Variants in TMED4 observed in about 807,000 individuals in gnomAD.
The protein encoded by TMED4 is transmembrane emp24 domain-containing protein 4.
In TMED4, 19 loss-of-function variants were observed where a neutral mutation model predicts 26.5. The observed-to-expected ratio is 0.72, with a 90% CI of 0.50 to 1.05. The LOEUF (loss-of-function observed/expected upper bound fraction) is 1.05. TMED4 is among the 50% of genes least tolerant of loss of function. The pLI, the probability that TMED4 is intolerant of heterozygous loss-of-function variation, is 0.00. For synonymous variants in TMED4, 121 were observed against 119.8 expected (o/e 1.01, Z -0.07); for missense variants, 303 against 302.5 (o/e 1.00, Z -0.01).
In TMED4 at chr7:44,579,306, G is replaced by A; in HGVS notation, c.*173C>T. 1 of 601,866 alleles carries A rather than the reference G, an allele frequency of 1.7e-6. No homozygotes were observed. Among genetic ancestry groups the A allele is most frequent in the Non-Finnish European group, 2.8e-6 (1 of 356,754 alleles). The allele number at this position is 601,866 out of a possible 1,614,324, so 37.3% of individuals were successfully genotyped here. On this transcript the variant is annotated 3_prime_UTR_variant, in exon 5 of 5. Transcript: ENST00000457408. The stretch of plus-strand genomic sequence containing the variant: ...TTTTGAAAGATTGGACTAATGTCAT[G>A]TGTCCTTAAGAACCAGGGTCAGCAA...
chr7:44,580,488 CAAAAT>C (rs1175725759), intron 4 of TMED4: 1 of 152,302 alleles, frequency 6.6e-6, no homozygotes, highest in African/African-American at 2.4e-5. Context: ...AAAAACAAAA[CAAAAT>C]AAGTACAGAT....
chr7:44,579,284 T>C lies in TMED4; in HGVS notation c.*195A>G. The C allele has an allele frequency of 2.0e-6, 1 of 508,186 alleles. No homozygotes were observed. Among genetic ancestry groups the C allele is most frequent in the Non-Finnish European group, 3.4e-6 (1 of 291,978 alleles). The allele number at this position is 508,186 out of a possible 1,614,324, so 31.5% of individuals were successfully genotyped here. On this transcript the variant is annotated 3_prime_UTR_variant, in exon 5 of 5. Transcript: ENST00000457408. ...CCTCACAAGCCCTAAGACAAGATTT[T>C]GAAAGATTGGACTAATGTCATGTGT...
Position 44,579,585 on chromosome 7 carries a change from T to A in TMED4, c.578A>T (p.Gln193Leu). The change falls in exon 5 of 5, where the codon CAG becomes CTG. Residue 193 changes from glutamine to leucine, a missense_variant. Physicochemically the swap from Gln to Leu is moderately radical, Grantham distance 113. Coordinates refer to ENST00000457408, the MANE Select transcript of TMED4 (RefSeq NM_182547.4). The part of the protein sequence containing the change: ...RFRLTSESTN[Q>L]RVLWWSIAQT... Reference sequence around the variant, plus strand: ...AGCAATGGACCACCATAGGACCCTCTGGTTGGTGCTCTCGCTCGTCAGTCG... The same window carrying A: ...AGCAATGGACCACCATAGGACCCTCAGGTTGGTGCTCTCGCTCGTCAGTCG... 1.9e-6 allele frequency: 3 copies of A among 1,614,136 alleles called. No individual in the cohort carries two copies. Among genetic ancestry groups the A allele is most frequent in the Non-Finnish European group, 2.5e-6 (3 of 1,179,982 alleles).
intron 2 of TMED4, 39 bp from the exon 3 acceptor site, chr7:44,581,613 C>A: frequency 6.2e-7 from 1 of 1,614,068 alleles, no homozygotes; most frequent in Middle Eastern, 1.6e-4. Flanking sequence ...CTTTATACCG[C>A]AGGCTCTCCA....
chr7:44,580,974 TA>T, intron 4 of TMED4, 118 bp downstream of exon 4: 1 of 1,170,672 alleles, frequency 8.5e-7, no homozygotes, highest in Non-Finnish European at 1.2e-6. Flanking sequence ...ACAACCTATC[TA>T]AACCAATACT....
chr7:44,581,384 G>A, intron 3 of TMED4, 65 bp downstream of exon 3: 1 of 1,611,452 alleles, frequency 6.2e-7, no homozygotes, highest in Non-Finnish European at 8.5e-7. Flanking sequence ...TCACAATCTT[G>A]ATAAATCAAA....
rs1051246948 is a variant in TMED4 at position 44,581,005 on chromosome 7, G to A, written c.534+88C>T. On this transcript the variant is annotated intron_variant, in intron 4 of 4. Coordinates refer to ENST00000457408, the MANE Select transcript of TMED4 (RefSeq NM_182547.4). ...AATACTTCTCATTCCATTCTCTGCAGAGCTGATCTCCCAAGCAGAAACTTG... is the reference window on the plus strand; with the variant it reads ...AATACTTCTCATTCCATTCTCTGCAAAGCTGATCTCCCAAGCAGAAACTTG... 10 of 1,410,238 alleles carry A rather than the reference G, an allele frequency of 7.1e-6. No homozygotes were observed. In the African/African-American group the frequency reaches 1.1e-4, roughly 16 times the overall value. 87.4% of individuals were successfully genotyped at this position (1,410,238 alleles called of 1,614,324 possible). A position where few individuals can be genotyped will look rare whatever the true frequency, so the allele number is the denominator to read the frequency against.
In TMED4 at chr7:44,578,609, T is replaced by C. The variant is rs1402283586; in HGVS notation, c.*870A>G. The C allele has an allele frequency of 6.6e-6, 1 of 151,442 alleles. No homozygotes were observed. Among genetic ancestry groups the C allele is most frequent in the Non-Finnish European group, 1.5e-5 (1 of 67,982 alleles). The allele number at this position is 151,442 out of a possible 1,614,324, so 9.4% of individuals were successfully genotyped here. A position where few individuals can be genotyped will look rare whatever the true frequency, so the allele number is the denominator to read the frequency against. On this transcript the variant is annotated 3_prime_UTR_variant, in exon 5 of 5. Coordinates refer to ENST00000457408, the MANE Select transcript of TMED4 (RefSeq NM_182547.4). ...TGCCATGGGAGTTACCAAAAATATG[T>C]GAATAAACTGAATGCAGAGGCTGAG...
At chr7:44,581,330 G>A (rs1562591029) in intron 3 of TMED4, 91 bp from the exon 4 acceptor site, 1 of 1,598,788 alleles carries the variant, frequency 6.3e-7, no homozygotes, top group South Asian at 1.1e-5. Context: ...CTGTGGAGCA[G>A]AAGGCAACAT....
Position 44,582,063 on chromosome 7 carries a change from G to T in TMED4, c.144C>A (p.Asp48Glu). ...EKRCFIEEIP[D>E]ETMVIGNYRT... ...CCGCCTGACCGATGACCATGGTCTC[G>T]TCGGGGATTTCCTCGATGAAACAGC... Residue 48 changes from aspartate to glutamate, a missense_variant, in exon 1 of 5, where the codon GAC becomes GAA. Coordinates refer to ENST00000457408, the MANE Select transcript of TMED4 (RefSeq NM_182547.4). 1.7e-5 allele frequency: 26 copies of T among 1,567,900 alleles called. No individual in the cohort carries two copies. The highest frequency in any genetic ancestry group is 2.2e-5 in the Non-Finnish European group (25 of 1,156,356).
At position 44,579,624 on chromosome 7, in the gene TMED4, C is replaced by T. The variant is rs754392032; in HGVS notation, c.539G>A (p.Arg180His). ...GCTCGTCAGTCGGAAGCGCTCTTCA[C>T]GATACTGTGTGGGGCAACACAGGGT... Reference protein sequence around the residue: ...IQKEQDYQRYREERFRLTSES... With the variant: ...IQKEQDYQRYHEERFRLTSES... The change falls in exon 5 of 5, where the codon CGT becomes CAT. Residue 180 changes from arginine to histidine, a missense_variant. Physicochemically the swap from Arg to His is conservative, Grantham distance 29. Transcript: ENST00000457408. 4 of 1,613,612 alleles carry T rather than the reference C, an allele frequency of 2.5e-6. No homozygotes were observed. Among genetic ancestry groups the T allele is most frequent in the Admixed American group, 1.7e-5 (1 of 59,996 alleles).
chr7:44,579,376 ATTCT>A lies in TMED4; in HGVS notation c.*99_*102del. 1.5e-6 allele frequency: 2 copies of A among 1,340,250 alleles called. No individual in the cohort carries two copies. Among genetic ancestry groups the A allele is most frequent in the Non-Finnish European group, 2.0e-6 (2 of 978,146 alleles). The allele number at this position is 1,340,250 out of a possible 1,614,324, so 83.0% of individuals were successfully genotyped here. On this transcript the variant is annotated 3_prime_UTR_variant, in exon 5 of 5. Transcript: ENST00000457408. ...TGTGGCCATGGAACCAATGTGACTTATTCTTTTTCATTTTTTTCCCTAAAAATCC... is the reference window on the plus strand; with the variant it reads ...TGTGGCCATGGAACCAATGTGACTTATTTTCATTTTTTTCCCTAAAAATCC...
chr7:44,581,166 G>C lies in TMED4; in HGVS notation c.461C>G (p.Thr154Arg). 6.2e-7 allele frequency: 1 copy of C among 1,614,040 alleles called. No homozygotes were observed. Among genetic ancestry groups the C allele is most frequent in the Non-Finnish European group, 8.5e-7 (1 of 1,180,020 alleles). ...YPEIAAKDKL[T>R]ELQLRARQLL... ...CTGGCGGGCGCGGAGCTGTAGCTCC[G>C]TCAGCTTATCTTTTGCAGCAATCTC... The change falls in exon 4 of 5, where the codon ACG becomes AGG. Residue 154 changes from threonine (T) to arginine (R), a missense_variant. By Grantham distance (71) the Thr-to-Arg change is moderately conservative. Transcript: ENST00000457408.
intron 1 of TMED4, 95 bp downstream of exon 1, chr7:44,581,952 G>A: frequency 3.3e-6 from 5 of 1,528,966 alleles, no homozygotes; most frequent in East Asian, 2.4e-5. Flanking sequence ...GCTAGGTACT[G>A]GGGGAGCCAG....
chr7:44,581,056 A>C (rs756126500), intron 4 of TMED4, 37 bp downstream of exon 4: 7 of 1,612,934 alleles, frequency 4.3e-6, no homozygotes, highest in Non-Finnish European at 8.5e-7. Context: ...TATAAAGGTC[A>C]ACTGCCCTCT....
At chr7:44,581,281 T>G (rs771653928) in intron 3 of TMED4, 42 bp from the exon 4 acceptor site, 1 of 1,611,482 alleles carries the variant, frequency 6.2e-7, no homozygotes, top group South Asian at 1.1e-5. Context: ...GGGCCTCCAG[T>G]TGTCTGTTCC....
At chr7:44,581,010 G>C in intron 4 of TMED4, 83 bp downstream of exon 4, 1 of 1,433,912 alleles carries the variant, frequency 7.0e-7, no homozygotes, top group South Asian at 1.2e-5. Flanking sequence ...CTGCAGAGCT[G>C]ATCTCCCAAG....
chr7:44,581,582 A>G lies in TMED4; in HGVS notation c.262-8T>C, dbSNP rs1562591264. On this transcript the variant is annotated splice_region_variant and splice_polypyrimidine_tract_variant and intron_variant, in intron 2 of 4. Transcript: ENST00000457408. ...CTGCCGGGACAGCACCACCTGCAAC[A>G]TATGTGAGTGAAGGCCCCACCTTTA... 1 of 1,614,164 alleles carries G rather than the reference A, an allele frequency of 6.2e-7. No homozygotes were observed. Among genetic ancestry groups the G allele is most frequent in the African/African-American group, 1.3e-5 (1 of 75,046 alleles).
chr7:44,581,274 C>T (rs1485157613), intron 3 of TMED4, 35 bp from the exon 4 acceptor site: 1 of 1,611,824 alleles, frequency 6.2e-7, no homozygotes, highest in Non-Finnish European at 8.5e-7. Context: ...AGTGGTGGGG[C>T]CTCCAGTTGT....
Sources: allele counts gnomAD v4.1 joint callset, GRCh38; gene constraint gnomAD v4.1.1; transcripts MANE v1.5; gene names NCBI Gene and HGNC (gene_info 2026-07-23, HGNC 2026-07-21).